RAPGEF6: variants seen among roughly 807,000 people sequenced by gnomAD.
RAPGEF6 encodes PDZ domain containing guanine nucleotide exchange factor (GEF) 2.
A neutral mutation model predicts 171.4 loss-of-function variants in RAPGEF6; 56 were observed. That is an observed-to-expected ratio of 0.33 (90% CI 0.26 to 0.41). RAPGEF6 has a LOEUF of 0.41. Among genes scored for constraint, RAPGEF6 ranks in the 10% least tolerant of loss-of-function variants. RAPGEF6 has a pLI of 1.00. For missense variants in RAPGEF6, 1,674 were observed against 1,921.4 expected (o/e 0.87, Z 2.41); for synonymous variants, 692 against 650.1 (o/e 1.06, Z -0.98).
intron 8 of RAPGEF6, among the ~76,000 whole-genome samples, chr5:131,509,542 C>CA (rs59175698): frequency 0.11 from 15,662 of 136,796 alleles, 1,939 homozygotes; most frequent in African/African-American, 0.32. Flanking sequence ...GACACCGTCT[C>CA]AAAAAAAAAA....
In RAPGEF6 at chr5:131,548,199, C is replaced by A; in HGVS notation, c.352-9G>T. 1 of 1,613,070 alleles carries A rather than the reference C, an allele frequency of 6.2e-7. No homozygotes were observed. The highest frequency in any genetic ancestry group is 8.5e-7 in the Non-Finnish European group (1 of 1,179,326). On this transcript the variant is annotated splice_polypyrimidine_tract_variant and intron_variant, in intron 5 of 27. Transcript: ENST00000509018. ...TCTTTGGCATTCTCTACCTGAAACA[C>A]ATGTTCATATTCCTGATGAAATATC... is the stretch of plus-strand genomic sequence containing the variant.
chr5:131,504,340 T>C (rs1757209745), intron 11 of RAPGEF6, among the ~76,000 whole-genome samples: 1 of 151,954 alleles, frequency 6.6e-6, no homozygotes, highest in Admixed American at 6.6e-5. Flanking sequence ...TGCATGCCTG[T>C]AATCTCAGCT....
At chr5:131,536,207 T>G (rs1020119287) in intron 6 of RAPGEF6, among the ~76,000 whole-genome samples, 2 of 152,198 alleles carry the variant, frequency 1.3e-5, no homozygotes, top group Non-Finnish European at 2.9e-5. Context: ...GTGAAAACAC[T>G]TTAAGTCTTT....
Position 131,442,379 on chromosome 5 carries a change from T to G in RAPGEF6, c.3580A>C (p.Lys1194Gln). Residue 1194 changes from lysine (K) to glutamine (Q), a missense_variant, in exon 23 of 28, where the codon AAG (lysine) becomes CAG (glutamine). Around this residue, in one of 3 missense-constraint regions of RAPGEF6, gnomAD observed 552 missense variants for 574.2 expected, o/e 0.96. Transcript: ENST00000509018. ...GCAGGGTCTTTTGTTTGTCCCTTCT[T>G]CCTGATGGGGTGCAAATTAACAGCT... ...VPAVNLHPIR[K>Q]KGQTKDPALN... 1 of 1,614,100 alleles carries G rather than the reference T, an allele frequency of 6.2e-7. No homozygotes were observed. The highest frequency in any genetic ancestry group is 8.5e-7 in the Non-Finnish European group (1 of 1,179,990).
chr5:131,436,494 T>C (rs1580820446), intron 24 of RAPGEF6: 1 of 996,752 alleles, frequency 1.0e-6, no homozygotes, highest in East Asian at 2.6e-5. Flanking sequence ...AAAATTGAAA[T>C]CTAGCAACAT....
intron 23 of RAPGEF6, among the ~76,000 whole-genome samples, chr5:131,441,984 G>A (rs933858481): frequency 2.6e-5 from 4 of 152,112 alleles, no homozygotes; most frequent in Admixed American, 6.5e-5. Context: ...AAAAAACAAC[G>A]TATAGTCATT....
intron 4 of RAPGEF6, among the ~76,000 whole-genome samples, chr5:131,566,764 T>G (rs1051973008): frequency 2.0e-5 from 3 of 151,534 alleles, no homozygotes; most frequent in Admixed American, 1.3e-4. Context: ...TTTTTTGTAA[T>G]GTATGTCTTT....
intron 7 of RAPGEF6, among the ~76,000 whole-genome samples, chr5:131,519,650 C>T (rs1758344454): frequency 6.6e-6 from 1 of 152,182 alleles, no homozygotes; most frequent in African/African-American, 2.4e-5. Flanking sequence ...AATCCGCCCG[C>T]CTAGGCCTCC....
At chr5:131,615,775 A>G (rs1765226855) in intron 1 of RAPGEF6, among the ~76,000 whole-genome samples, 2 of 152,022 alleles carry the variant, frequency 1.3e-5, no homozygotes, top group Admixed American at 6.6e-5. Context: ...GGTGGCGCAC[A>G]CCTGTAGTCC....
intron 15 of RAPGEF6, among the ~76,000 whole-genome samples, chr5:131,485,297 G>A (rs1162838797): frequency 6.6e-6 from 1 of 152,192 alleles, no homozygotes. Context: ...TCCAGGATAG[G>A]AAGAGAGTAA....
At chr5:131,561,176 T>C (rs957601146) in intron 5 of RAPGEF6, among the ~76,000 whole-genome samples, 1 of 152,144 alleles carries the variant, frequency 6.6e-6, no homozygotes, top group Non-Finnish European at 1.5e-5. Flanking sequence ...AAATAAAGAA[T>C]TATTCCTTAA....
intron 6 of RAPGEF6, 125 bp downstream of exon 6, chr5:131,547,922 T>C (rs1284005445): frequency 9.9e-7 from 1 of 1,005,152 alleles, no homozygotes; most frequent in Non-Finnish European, 1.5e-6. Flanking sequence ...AGATTATATA[T>C]TTACCTGCCC....
intron 11 of RAPGEF6, 144 bp from the exon 12 acceptor site, chr5:131,498,751 A>G: frequency 1.4e-6 from 1 of 735,906 alleles, no homozygotes; most frequent in East Asian, 2.8e-5. Flanking sequence ...TAGCGCTGGG[A>G]GAATTGGAAT....
chr5:131,529,335 G>C (rs749472000), intron 6 of RAPGEF6, among the ~76,000 whole-genome samples: 49 of 152,006 alleles, frequency 3.2e-4, no homozygotes, highest in Non-Finnish European at 5.0e-4. Flanking sequence ...AATTAGCCGG[G>C]AGTGGTGGCA....
At chr5:131,461,333 C>G (rs1262151396) in intron 19 of RAPGEF6, among the ~76,000 whole-genome samples, 1 of 149,752 alleles carries the variant, frequency 6.7e-6, no homozygotes, top group Non-Finnish European at 1.5e-5. Flanking sequence ...TTTTCAGAGT[C>G]AAATCATAGT....
intron 3 of RAPGEF6, among the ~76,000 whole-genome samples, chr5:131,598,661 G>GA (rs1166871044): frequency 5.9e-5 from 9 of 152,278 alleles, no homozygotes; most frequent in South Asian, 2.1e-4. Flanking sequence ...AAGTGTTACA[G>GA]AAAAAACTGC....
chr5:131,462,714 G>A (rs1754019780), intron 18 of RAPGEF6, among the ~76,000 whole-genome samples: 1 of 152,142 alleles, frequency 6.6e-6, no homozygotes. Flanking sequence ...CAATTCTACA[G>A]CACTTAAAAG....
chr5:131,512,378 T>TTC, intron 7 of RAPGEF6, among the ~76,000 whole-genome samples: 1 of 151,814 alleles, frequency 6.6e-6, no homozygotes, highest in East Asian at 1.9e-4. Context: ...TTTCTTCTTT[T>TTC]TTTTTTTTTT....
intron 19 of RAPGEF6, among the ~76,000 whole-genome samples, chr5:131,456,224 A>C (rs1294199494): frequency 6.6e-6 from 1 of 152,244 alleles, no homozygotes; most frequent in Non-Finnish European, 1.5e-5. Flanking sequence ...GCTTGCCTAT[A>C]GTTCTATACC....
Sources: allele counts gnomAD v4.1 joint callset (sites outside exome capture counted in the v4.1 genomes callset), GRCh38; gene constraint gnomAD v4.1.1; regional missense constraint gnomAD v4.1.1; transcripts MANE v1.5; gene names NCBI Gene and HGNC (gene_info 2026-07-23, HGNC 2026-07-21).